Variants in ZNF717 observed in about 807,000 individuals in gnomAD.
ZNF717 encodes the protein zinc finger protein 717.
A neutral mutation model predicts 13.8 loss-of-function variants in ZNF717; 9 were observed. The ratio of observed to expected loss-of-function variants is 0.65; its 90% CI spans 0.39 to 1.14. The LOEUF is 1.14. Ranked by LOEUF, ZNF717 falls within the 50% of genes most tolerant of loss-of-function variation. The pLI, the probability that ZNF717 is intolerant of heterozygous loss-of-function variation, is 0.01. For synonymous variants in ZNF717, 327 were observed against 364.1 expected, an observed-to-expected ratio of 0.90 and a Z score of 1.16; for missense variants, 1,040 against 1,080.7, an observed-to-expected ratio of 0.96 and a Z score of 0.53.
downstream of ZNF717, among the ~76,000 whole-genome samples, chr3:75,733,695 T>C (rs1938799686): frequency 7.3e-6 from 1 of 136,076 alleles, no homozygotes. Context: ...AGGAGAATGG[T>C]ATGAACCCGG....
intron 6 of ZNF717, among the ~76,000 whole-genome samples, chr3:75,695,755 T>C (rs142180836): frequency 1.3e-5 from 2 of 152,216 alleles, no homozygotes; most frequent in Non-Finnish European, 2.9e-5. Flanking sequence ...AAGAAGAAAA[T>C]AGAAAAATTT....
downstream of ZNF717, among the ~76,000 whole-genome samples, chr3:75,708,134 G>A (rs1365129265): frequency 2.0e-5 from 3 of 152,254 alleles, no homozygotes; most frequent in Admixed American, 2.0e-4. Context: ...GGAGATCTGA[G>A]AACGGGCAGA....
At chr3:75,721,604 A>T (rs13093220) in intron 4 of ZNF717, among the ~76,000 whole-genome samples, 63,589 of 152,122 alleles carry the variant, frequency 0.42, 13,653 homozygotes, top group Non-Finnish European at 0.46. Context: ...TTTTTATTTT[A>T]AAGAACAATC....
At chr3:75,744,224 TTAAC>T (rs1323170394) in intron 2 of ZNF717, among the ~76,000 whole-genome samples, 2 of 152,262 alleles carry the variant, frequency 1.3e-5, no homozygotes, top group African/African-American at 4.8e-5. Flanking sequence ...AAAAAATCCT[TTAAC>T]TGTGCATATA....
intron 5 of ZNF717, among the ~76,000 whole-genome samples, chr3:75,716,137 A>ATTTT (rs142722374): frequency 1.4e-5 from 2 of 139,746 alleles, no homozygotes; most frequent in Non-Finnish European, 3.1e-5. Flanking sequence ...TGCCTGGCTA[A>ATTTT]TTTTTTTTTT....
At chr3:75,784,962 T>A (rs2107780233) in intron 1 of ZNF717, 1 of 152,386 alleles carries the variant, frequency 6.6e-6, no homozygotes, top group South Asian at 2.1e-4. Flanking sequence ...CCTCGCGGCA[T>A]CAGTGAGTTC....
intron 2 of ZNF717, among the ~76,000 whole-genome samples, chr3:75,742,152 C>T (rs1348361084): frequency 6.6e-6 from 1 of 152,018 alleles, no homozygotes; most frequent in Non-Finnish European, 1.5e-5. Flanking sequence ...ATGCAAGACC[C>T]TGTCTCTACA....
intron 5 of ZNF717, among the ~76,000 whole-genome samples, chr3:75,711,520 G>A (rs1236439582): frequency 6.6e-6 from 1 of 152,100 alleles, no homozygotes; most frequent in South Asian, 2.1e-4. Context: ...ATTTTGCCAG[G>A]CACAGTGGCT....
chr3:75,782,321 G>C (rs1944881133), intron 2 of ZNF717, among the ~76,000 whole-genome samples: 1 of 152,218 alleles, frequency 6.6e-6, no homozygotes, highest in Non-Finnish European at 1.5e-5. Context: ...GATAAACTAA[G>C]ATAAAGGTGT....
chr3:75,740,468 T>G (rs78770073), intron 4 of ZNF717, among the ~76,000 whole-genome samples: 2 of 150,646 alleles, frequency 1.3e-5, no homozygotes, highest in East Asian at 3.9e-4. Context: ...GTTGCTATCA[T>G]AGCTCACTGA....
intron 2 of ZNF717, among the ~76,000 whole-genome samples, chr3:75,776,300 T>C (rs1245983485): frequency 2.6e-5 from 4 of 152,240 alleles, no homozygotes; most frequent in East Asian, 3.8e-4. Context: ...CAATGTTTGG[T>C]TTGTCAAACC....
At chr3:75,703,258 C>T (rs796730708) in intron 6 of ZNF717, among the ~76,000 whole-genome samples, 27 of 152,338 alleles carry the variant, frequency 1.8e-4, no homozygotes, top group Middle Eastern at 3.4e-3. Context: ...TGGCTGGGAG[C>T]GGTGGCTGAT....
intron 2 of ZNF717, among the ~76,000 whole-genome samples, chr3:75,753,082 G>A (rs1942059899): frequency 6.6e-6 from 1 of 151,442 alleles, no homozygotes; most frequent in African/African-American, 2.4e-5. Context: ...CCTCACATAG[G>A]ATTCCAGAAC....
At chr3:75,747,984 T>G (rs1214141934) in intron 2 of ZNF717, among the ~76,000 whole-genome samples, 2 of 151,990 alleles carry the variant, frequency 1.3e-5, no homozygotes, top group Non-Finnish European at 2.9e-5. Flanking sequence ...GAATCAAATA[T>G]ACGCAATAAA....
chr3:75,738,343 T>C lies in ZNF717; in HGVS notation c.1280A>G (p.His427Arg), dbSNP rs1487184162. 2.6e-6 allele frequency: 4 copies of C among 1,535,780 alleles called. No homozygotes were observed. The highest frequency in any genetic ancestry group is 2.5e-5 in the East Asian group (1 of 40,000). The change falls in exon 5 of 5, where the codon CAT (histidine) becomes CGT (arginine). Residue 427 changes from histidine to arginine, a missense_variant. Physicochemically the swap from His to Arg is conservative, Grantham distance 29. This residue lies in a region of ZNF717 where 873 missense variants were observed against 832.8 expected (regional missense o/e 1.05). Coordinates refer to ENST00000652011, the MANE Select transcript of ZNF717 (RefSeq NM_001290208.3). ...HTGEKPYACD[H>R]CEEAFSHKSR... Reference sequence around the variant, plus strand: ...CTTATGGCTAAATGCTTCTTCACAATGGTCACATGCATAGGGCTTTTCCCC... The same window carrying C: ...CTTATGGCTAAATGCTTCTTCACAACGGTCACATGCATAGGGCTTTTCCCC...
At chr3:75,767,262 C>CCTCCAGCAACA (rs1575929784) in intron 2 of ZNF717, among the ~76,000 whole-genome samples, 2 of 147,616 alleles carry the variant, frequency 1.4e-5, no homozygotes, top group Admixed American at 1.3e-4. Context: ...AACTAGTGAG[C>CCTCCAGCAACA]CACCCTGCAC....
intron 2 of ZNF717, among the ~76,000 whole-genome samples, chr3:75,773,553 G>A (rs1014060545): frequency 4.6e-5 from 7 of 152,106 alleles, no homozygotes; most frequent in African/African-American, 1.7e-4. Flanking sequence ...CAAGCAAAGT[G>A]GCTCATATCT....
intron 2 of ZNF717, among the ~76,000 whole-genome samples, chr3:75,753,036 T>C (rs1942048074): frequency 6.6e-6 from 1 of 151,710 alleles, no homozygotes; most frequent in African/African-American, 2.4e-5. Flanking sequence ...TCACATAGGA[T>C]TCCAGAACAC....
chr3:75,708,968 G>A (rs1319249693), downstream of ZNF717, among the ~76,000 whole-genome samples: 33 of 151,620 alleles, frequency 2.2e-4, no homozygotes, highest in South Asian at 6.9e-3. Flanking sequence ...AGAGGGAGGG[G>A]AGAAGTGCCA....
Sources: gnomAD v4.1 joint callset for allele counts (sites outside exome capture counted in the v4.1 genomes callset) on GRCh38, gnomAD v4.1.1 for gene constraint, gnomAD v4.1.1 regional missense constraint, MANE v1.5 for transcripts, NCBI Gene and HGNC (gene_info 2026-07-23, HGNC 2026-07-21) for gene names.